The following CSMD3 variants were observed in gnomAD, a reference collection of about 807,000 sequenced individuals.
The protein encoded by CSMD3 is CUB and sushi domain-containing protein 3.
In CSMD3, 177 loss-of-function variants were observed where a neutral mutation model predicts 435.2. The ratio of observed to expected loss-of-function variants is 0.41; its 90% CI spans 0.36 to 0.46. The LOEUF is 0.46. CSMD3 is among the 20% of genes least tolerant of loss of function. CSMD3 has a pLI of 0.34. For missense variants in CSMD3, 4,265 were observed against 4,504.6 expected, an observed-to-expected ratio of 0.95 and a Z score of 1.52; for synonymous variants, 1,656 against 1,520.5, an observed-to-expected ratio of 1.09 and a Z score of -2.07.
chr8:113,226,089 C>T, intron 3 of CSMD3, among the ~76,000 whole-genome samples: 1 of 151,474 alleles, frequency 6.6e-6, no homozygotes, highest in Non-Finnish European at 1.5e-5. Context: ...GAGTTCTCCC[C>T]AGGCCTGTGA....
Position 112,503,772 on chromosome 8 carries a change from T to C in CSMD3, c.5083+18A>G, listed in dbSNP as rs942539733. 6.4e-7 allele frequency: 1 copy of C among 1,556,164 alleles called. No individual in the cohort carries two copies. The highest frequency in any genetic ancestry group is 8.9e-7 in the Non-Finnish European group (1 of 1,128,874). Reference sequence around the variant, plus strand: ...TATAATTTAAATCATGATACTAACATGGAATGTTCATATTTACCTTTGTAT... The same window carrying C: ...TATAATTTAAATCATGATACTAACACGGAATGTTCATATTTACCTTTGTAT... On this transcript the variant is annotated intron_variant, in intron 30 of 70. Transcript: ENST00000297405.
chr8:112,281,302 C>T lies in CSMD3; in HGVS notation c.9380G>A (p.Arg3127Gln), dbSNP rs752773200. ...PGTTANGKVF[R>Q]IDGTTFSSSV... ...ACTAGAAAATGTTGTGCCATCAATTCGGAAGACTTTCCCATTGGCTGTGGT... is the reference window on the plus strand; with the variant it reads ...ACTAGAAAATGTTGTGCCATCAATTTGGAAGACTTTCCCATTGGCTGTGGT... The change falls in exon 59 of 71, where the codon CGA becomes CAA. Residue 3127 changes from arginine to glutamine, a missense_variant. Around this residue, in one of 3 missense-constraint regions of CSMD3, gnomAD observed 3,255 missense variants for 3,380.2 expected, o/e 0.96. Transcript: ENST00000297405. The T allele has an allele frequency of 1.5e-5, 25 of 1,613,446 alleles. No homozygotes were observed. Among genetic ancestry groups the T allele is most frequent in the Admixed American group, 5.0e-5 (3 of 59,932 alleles).
At chr8:113,266,657 G>GT (rs1425979703) in intron 3 of CSMD3, among the ~76,000 whole-genome samples, 2 of 151,670 alleles carry the variant, frequency 1.3e-5, no homozygotes, top group East Asian at 3.9e-4. Context: ...TTTCTTAGTA[G>GT]TAGTAGTGTT....
chr8:113,287,675 G>C (rs2093656806), intron 2 of CSMD3, among the ~76,000 whole-genome samples: 1 of 151,954 alleles, frequency 6.6e-6, no homozygotes, highest in Non-Finnish European at 1.5e-5. Flanking sequence ...CATAAGATTT[G>C]GAATGTGAAT....
intron 6 of CSMD3, among the ~76,000 whole-genome samples, chr8:113,007,881 A>C (rs2086115398): frequency 6.6e-6 from 1 of 151,944 alleles, no homozygotes; most frequent in Admixed American, 6.6e-5. Context: ...GGAAAACGTA[A>C]TATAATGGAA....
At chr8:112,852,953 GT>G (rs2080536518) in intron 11 of CSMD3, among the ~76,000 whole-genome samples, 1 of 151,400 alleles carries the variant, frequency 6.6e-6, no homozygotes, top group Non-Finnish European at 1.5e-5. Context: ...TAAATAGCAA[GT>G]GTTGTTCTGA....
intron 27 of CSMD3, 67 bp from the exon 28 acceptor site, chr8:112,517,292 GT>G: frequency 1.7e-6 from 2 of 1,153,416 alleles, no homozygotes; most frequent in Non-Finnish European, 1.3e-6. Flanking sequence ...ATATCCCTGT[GT>G]TTTAGAAAAT....
At chr8:113,075,362 C>T (rs2089295808) in intron 5 of CSMD3, among the ~76,000 whole-genome samples, 1 of 151,782 alleles carries the variant, frequency 6.6e-6, no homozygotes, top group Non-Finnish European at 1.5e-5. Flanking sequence ...TATTAAATGT[C>T]TGCTAATCTT....
chr8:112,308,250 A>G (rs950463520), intron 50 of CSMD3, among the ~76,000 whole-genome samples: 1 of 152,132 alleles, frequency 6.6e-6, no homozygotes, highest in Non-Finnish European at 1.5e-5. Flanking sequence ...GGGAATTTCA[A>G]GTTGTTATAT....
At chr8:113,209,190 C>T (rs989204882) in intron 3 of CSMD3, among the ~76,000 whole-genome samples, 2 of 152,086 alleles carry the variant, frequency 1.3e-5, no homozygotes, top group African/African-American at 4.8e-5. Flanking sequence ...GTTTTATGTA[C>T]TCTTTTCATA....
intron 45 of CSMD3, among the ~76,000 whole-genome samples, chr8:112,320,921 A>C (rs758305387): frequency 6.6e-6 from 1 of 152,162 alleles, no homozygotes; most frequent in Admixed American, 6.6e-5. Flanking sequence ...TAATTATGAT[A>C]TCACTTGAAC....
chr8:113,197,912 T>G (rs1038000443), intron 3 of CSMD3, among the ~76,000 whole-genome samples: 5 of 151,320 alleles, frequency 3.3e-5, no homozygotes, highest in Non-Finnish European at 5.9e-5. Context: ...TATAAAATGC[T>G]TACCATAAGA....
At chr8:112,691,423 G>A (rs932723239) in intron 13 of CSMD3, among the ~76,000 whole-genome samples, 16 of 152,116 alleles carry the variant, frequency 1.1e-4, no homozygotes, top group Non-Finnish European at 2.1e-4. Context: ...TTGGATTCTT[G>A]CATGGATGAG....
At chr8:113,077,657 C>T (rs368443709) in intron 5 of CSMD3, among the ~76,000 whole-genome samples, 16 of 152,218 alleles carry the variant, frequency 1.1e-4, no homozygotes, top group Middle Eastern at 6.8e-3. Flanking sequence ...GAGCCGAGAT[C>T]GCATCACTGG....
chr8:113,121,412 C>A (rs1002467654), intron 4 of CSMD3, among the ~76,000 whole-genome samples: 2 of 152,058 alleles, frequency 1.3e-5, no homozygotes, highest in African/African-American at 4.8e-5. Flanking sequence ...TTGTTAGAAA[C>A]AACTATCACC....
At chr8:112,937,564 T>TGGTC (rs1219514297) in intron 9 of CSMD3, among the ~76,000 whole-genome samples, 12 of 152,146 alleles carry the variant, frequency 7.9e-5, no homozygotes, top group Admixed American at 6.6e-4. Context: ...TTGGCCAGAC[T>TGGTC]GGTCTTGAAC....
At chr8:113,037,268 C>T (rs1017731700) in intron 5 of CSMD3, among the ~76,000 whole-genome samples, 2 of 152,114 alleles carry the variant, frequency 1.3e-5, no homozygotes, top group Non-Finnish European at 2.9e-5. Flanking sequence ...ATCTTATGTT[C>T]ATATAAGCCT....
intron 11 of CSMD3, among the ~76,000 whole-genome samples, 162 bp from the exon 12 acceptor site, chr8:112,829,951 T>C (rs1351723103): frequency 2.0e-5 from 3 of 151,820 alleles, no homozygotes; most frequent in Non-Finnish European, 4.4e-5. Context: ...TGTATAAATA[T>C]ATATATAATT....
At chr8:113,356,854 CAAAAG>C (rs1329881186) in intron 1 of CSMD3, among the ~76,000 whole-genome samples, 2 of 151,774 alleles carry the variant, frequency 1.3e-5, no homozygotes, top group Non-Finnish European at 2.9e-5. Flanking sequence ...AAAATGCAAG[CAAAAG>C]AAATTATTTA....
Sources: gnomAD v4.1 joint callset for allele counts (sites outside exome capture counted in the v4.1 genomes callset) on GRCh38, gnomAD v4.1.1 for gene constraint, gnomAD v4.1.1 regional missense constraint, MANE v1.5 for transcripts, NCBI Gene and HGNC (gene_info 2026-07-23, HGNC 2026-07-21) for gene names.